The following ABCA6 variants were observed in gnomAD, a reference collection of about 807,000 sequenced individuals.
The protein encoded by ABCA6 is ATP-binding cassette sub-family A member 6.
Under a neutral mutation model 191.2 loss-of-function variants are expected in ABCA6, and 164 were observed. That is an observed-to-expected ratio of 0.86 (90% confidence interval 0.76 to 0.98). The LOEUF (loss-of-function observed/expected upper bound fraction) is 0.98. Ranked by LOEUF, ABCA6 falls within the 50% of genes least tolerant of loss-of-function variation. ABCA6 has a pLI of 0.00. For synonymous variants in ABCA6, 636 were observed against 647.7 expected, an observed-to-expected ratio of 0.98 and a Z score of 0.27; for missense variants, 1,958 against 1,894.1, an observed-to-expected ratio of 1.03 and a Z score of -0.63.
rs575120792 is a variant in ABCA6, at chr17:69,111,957, T to G, written c.2132+226A>C. On this transcript the variant is annotated intron_variant, in intron 16 of 38. Coordinates refer to ENST00000284425, the MANE Select transcript of ABCA6 (RefSeq NM_080284.3). ...CCTAGAAAAGTGGCACATGAAGTAG[T>G]CTTGCTGTGAAAAGTCAGGCTTGGT... The G allele has an allele frequency of 1.3e-4, 60 of 452,656 alleles. No individual in the cohort carries two copies. The East Asian group carries it at 2.2e-3, about 17-fold the overall frequency. 28.0% of individuals were successfully genotyped at this position (452,656 alleles called of 1,614,324 possible). A position where few individuals can be genotyped will look rare whatever the true frequency, so the allele number is the denominator to read the frequency against.
chr17:69,099,233 A>G (rs2073121568), intron 22 of ABCA6, among the ~76,000 whole-genome samples: 1 of 152,230 alleles, frequency 6.6e-6, no homozygotes, highest in Non-Finnish European at 1.5e-5. Flanking sequence ...ATATAATTAC[A>G]GGATAACAGC....
chr17:69,133,675 T>A lies in ABCA6; in HGVS notation c.757A>T (p.Met253Leu). The change falls in exon 6 of 39, where the codon ATG becomes TTG. Residue 253 changes from methionine to leucine, a missense_variant. Coordinates refer to ENST00000284425, the MANE Select transcript of ABCA6 (RefSeq NM_080284.3). ...GAATCTTGGAGACCCATCATTTTCA[T>A]CAAATTCTTAGACTTTTTTCTCTCT... is the stretch of plus-strand genomic sequence containing the variant. ...TKERKKSKNLMKMMGLQDSAF... is the reference protein window; with the variant it reads ...TKERKKSKNLLKMMGLQDSAF... The A allele has an allele frequency of 6.2e-7, 1 of 1,604,786 alleles. No individual in the cohort carries two copies. Among genetic ancestry groups the A allele is most frequent in the Non-Finnish European group, 8.5e-7 (1 of 1,173,320 alleles).
At chr17:69,106,254 A>G in intron 18 of ABCA6, 43 bp from the exon 19 acceptor site, 1 of 1,543,532 alleles carries the variant, frequency 6.5e-7, no homozygotes. Flanking sequence ...TATAATATTA[A>G]TGCCATCCTG....
At chr17:69,136,307 T>C in intron 3 of ABCA6, 57 bp from the exon 4 acceptor site, 1 of 1,261,100 alleles carries the variant, frequency 7.9e-7, no homozygotes, top group Non-Finnish European at 1.1e-6. Flanking sequence ...TGCCACAACA[T>C]AATGTGATAT....
In ABCA6 at chr17:69,105,463, T is replaced by A. The variant is rs528277629; in HGVS notation, c.2739A>T (p.Thr913=). 1 of 1,602,230 alleles carries A rather than the reference T, an allele frequency of 6.2e-7. No homozygotes were observed. The highest frequency in any genetic ancestry group is 1.1e-5 in the South Asian group (1 of 87,540). ...TTTAAATTTTATTTTTCTTTTCACC[T>A]GTGTTATTGATGATCAACAGGCTGG... ...PRTSLLIINN[T]ESNIEDFIKS... Residue 913 remains threonine (T), a splice_region_variant and synonymous_variant, in exon 20 of 39, where the codon ACA becomes ACT. Transcript: ENST00000284425.
At position 69,096,803 on chromosome 17, in the gene ABCA6, T is replaced by C. The variant is rs909045918; in HGVS notation, c.3121-2A>G. The C allele has an allele frequency of 2.6e-6, 4 of 1,516,892 alleles. No homozygotes were observed. Among genetic ancestry groups the C allele is most frequent in the Non-Finnish European group, 3.5e-6 (4 of 1,143,926 alleles). 94.0% of individuals were successfully genotyped at this position (1,516,892 alleles called of 1,614,324 possible). On this transcript the variant is annotated splice_acceptor_variant, in intron 23 of 38. Coordinates refer to ENST00000284425, the MANE Select transcript of ABCA6 (RefSeq NM_080284.3). LOFTEE classifies it high-confidence loss of function. ...CCATAGCTGGGACTTAGCATTTTTC[T>C]GATTAAAAAAAAAAAGAAAGAAAGA...
chr17:69,136,278 T>A, intron 3 of ABCA6, 28 bp from the exon 4 acceptor site: 1 of 1,441,624 alleles, frequency 6.9e-7, no homozygotes, highest in Non-Finnish European at 9.1e-7. Context: ...AAAATAGACA[T>A]AGAAAATTGT....
In ABCA6 at chr17:69,125,031, A is replaced by G; in HGVS notation, c.1124T>C (p.Ile375Thr). The G allele has an allele frequency of 7.4e-7, 1 of 1,347,936 alleles. No individual in the cohort carries two copies. Among genetic ancestry groups the G allele is most frequent in the Non-Finnish European group, 9.8e-7 (1 of 1,018,972 alleles). 83.5% of individuals were successfully genotyped at this position (1,347,936 alleles called of 1,614,324 possible). The change falls in exon 9 of 39, where the codon ATC (isoleucine) becomes ACC (threonine). Residue 375 changes from isoleucine (I) to threonine (T), a missense_variant. Transcript: ENST00000284425. ...FAFTTGMIQI[I>T]KLDYNLNGVI... is the part of the protein sequence containing the mutation. ...ACCATTCAAGTTATAATCCAGTTTGATAATCTAAGATTCAAAAAATAAAAA... is the reference window on the plus strand; with the variant it reads ...ACCATTCAAGTTATAATCCAGTTTGGTAATCTAAGATTCAAAAAATAAAAA...
At position 69,115,556 on chromosome 17, in the gene ABCA6, C is replaced by T. The variant is rs1322480916; in HGVS notation, c.1496-70G>A. The T allele has an allele frequency of 2.8e-6, 3 of 1,077,058 alleles. No individual in the cohort carries two copies. In the East Asian group the frequency reaches 7.4e-5, roughly 27 times the overall value. 66.7% of individuals were successfully genotyped at this position (1,077,058 alleles called of 1,614,324 possible). On this transcript the variant is annotated intron_variant, in intron 11 of 38. Coordinates refer to ENST00000284425, the MANE Select transcript of ABCA6 (RefSeq NM_080284.3). ...AGAAAGGCATTAGACAGGCCTGGTC[C>T]CAACATAGAACAAGGCTATTTAGTT... is the stretch of plus-strand genomic sequence containing the variant.
chr17:69,086,994 G>A (rs536452741), intron 29 of ABCA6, among the ~76,000 whole-genome samples: 6 of 152,314 alleles, frequency 3.9e-5, no homozygotes, highest in African/African-American at 1.4e-4. Context: ...GTCAAATAGA[G>A]TAAACCTTAA....
intron 17 of ABCA6, chr17:69,108,043 G>A (rs1192984068): frequency 4.6e-6 from 2 of 434,744 alleles, no homozygotes; most frequent in Non-Finnish European, 8.1e-6. Context: ...TCCATTCTCA[G>A]TTTATGAGCT....
At chr17:69,094,431 T>C (rs572298130) in intron 25 of ABCA6, 1 of 152,528 alleles carries the variant, frequency 6.6e-6, no homozygotes, top group Admixed American at 6.5e-5. Context: ...TTTTGGAAGA[T>C]TCTGGCCTAT....
chr17:69,112,273 T>A lies in ABCA6; in HGVS notation c.2042A>T (p.Asp681Val), dbSNP rs777537977. 4 of 1,608,460 alleles carry A rather than the reference T, an allele frequency of 2.5e-6. No individual in the cohort carries two copies. Among genetic ancestry groups the A allele is most frequent in the Non-Finnish European group, 2.6e-6 (3 of 1,175,766 alleles). The stretch of plus-strand genomic sequence containing the variant: ...CCCATTGGACATGATCACTTTTCTA[T>A]CTGAATGAAAGAAATCAAGGGAGAA... The part of the protein sequence containing the change: ...QSMDEADILA[D>V]RKVIMSNGRL... The change falls in exon 16 of 39, where the codon GAT (aspartate) becomes GTT (valine). Residue 681 changes from aspartate to valine, a missense_variant and splice_region_variant. Coordinates refer to ENST00000284425, the MANE Select transcript of ABCA6 (RefSeq NM_080284.3).
chr17:69,115,489 A>G lies in ABCA6; in HGVS notation c.1496-3T>C. 1.2e-6 allele frequency: 2 copies of G among 1,603,432 alleles called. No homozygotes were observed. The highest frequency in any genetic ancestry group is 2.2e-5 in the South Asian group (2 of 89,406). On this transcript the variant is annotated splice_region_variant and splice_polypyrimidine_tract_variant and intron_variant, in intron 11 of 38. Transcript: ENST00000284425. ...TTCATATATGTCAAAGAGCAAGCCT[A>G]TTTTTAGAACAAATTGTTAACAAAT... is the stretch of plus-strand genomic sequence containing the variant.
chr17:69,116,573 T>C (rs1350906246), intron 11 of ABCA6, among the ~76,000 whole-genome samples: 1 of 152,168 alleles, frequency 6.6e-6, no homozygotes, highest in Non-Finnish European at 1.5e-5. Context: ...ACAAGGCTGT[T>C]CATTCTAGTA....
At chr17:69,105,394 C>A (rs942097768) in intron 20 of ABCA6, 68 bp downstream of exon 20, 1 of 1,421,690 alleles carries the variant, frequency 7.0e-7, no homozygotes, top group Non-Finnish European at 9.5e-7. Flanking sequence ...CTTCCCCCCC[C>A]CACCTCCTGT....
intron 25 of ABCA6, among the ~76,000 whole-genome samples, chr17:69,093,127 T>C (rs759079974): frequency 2.0e-5 from 3 of 152,236 alleles, no homozygotes; most frequent in Non-Finnish European, 4.4e-5. Flanking sequence ...TTCCTGAGCC[T>C]GTCACTACTT....
At chr17:69,096,832 GTA>G in intron 23 of ABCA6, 31 bp from the exon 24 acceptor site, 1 of 1,462,290 alleles carries the variant, frequency 6.8e-7, no homozygotes, top group Non-Finnish European at 9.1e-7. Flanking sequence ...AGAAAGAAAT[GTA>G]TATAGATTCA....
At chr17:69,114,704 T>C in intron 13 of ABCA6, 58 bp downstream of exon 13, 1 of 1,464,940 alleles carries the variant, frequency 6.8e-7, no homozygotes, top group Non-Finnish European at 9.2e-7. Context: ...AATTCTGTGG[T>C]CATGATTTAA....
Sources: gnomAD v4.1 joint callset for allele counts (sites outside exome capture counted in the v4.1 genomes callset) on GRCh38, gnomAD v4.1.1 for gene constraint, MANE v1.5 for transcripts, NCBI Gene and HGNC (gene_info 2026-07-23, HGNC 2026-07-21) for gene names.